Variants in TYK2 observed in about 807,000 individuals in gnomAD.
TYK2 encodes the protein non-receptor tyrosine-protein kinase TYK2.
TYK2 carries 65 observed loss-of-function variants against 130.9 expected under a neutral mutation model. That is an observed-to-expected ratio of 0.50 (90% CI 0.41 to 0.61). TYK2 has a LOEUF of 0.61. Ranked by LOEUF, TYK2 falls within the 20% of genes least tolerant of loss-of-function variation. The probability of loss-of-function intolerance (pLI) is 0.00; values close to 1 mark genes in which losing one functional copy is unlikely to be tolerated. For synonymous variants in TYK2, 647 were observed against 658.9 expected, an observed-to-expected ratio of 0.98 and a Z score of 0.28; for missense variants, 1,378 against 1,610.7, an observed-to-expected ratio of 0.86 and a Z score of 2.47.
chr19:10,358,165 G>A (rs776050479), intron 15 of TYK2, 27 bp from the exon 16 acceptor site: 13 of 1,590,098 alleles, frequency 8.2e-6, no homozygotes, highest in Non-Finnish European at 1.1e-5. Flanking sequence ...AGGGGGTGTG[G>A]CCACTCAGGA....
At chr19:10,358,749 C>G (rs1029794294) in intron 15 of TYK2, among the ~76,000 whole-genome samples, 15 of 151,972 alleles carry the variant, frequency 9.9e-5, no homozygotes, top group Non-Finnish European at 1.9e-4. Context: ...AGCCACCACA[C>G]CTGGCTATTT....
chr19:10,354,746 A>C lies in TYK2; in HGVS notation c.2618-137T>G, dbSNP rs2041000897. 6.9e-6 allele frequency: 5 copies of C among 724,776 alleles called. No homozygotes were observed. The South Asian group carries it at 7.4e-5, about 11-fold the overall frequency. 44.9% of individuals were successfully genotyped at this position (724,776 alleles called of 1,614,324 possible). ...AGAAAACTTTTTCCTGCAACAGCTG[A>C]AAGAGTCCACTTATTGTACAAAATG... On this transcript the variant is annotated intron_variant, in intron 18 of 24. Coordinates refer to ENST00000525621, the MANE Select transcript of TYK2 (RefSeq NM_003331.5).
chr19:10,367,762 T>C (rs569490814), intron 5 of TYK2, among the ~76,000 whole-genome samples: 87 of 147,222 alleles, frequency 5.9e-4, no homozygotes, highest in African/African-American at 2.1e-3. Flanking sequence ...CCACTAAAAA[T>C]ACAAAAAATT....
chr19:10,355,430 A>G (rs1402368758), intron 18 of TYK2, among the ~76,000 whole-genome samples: 1 of 151,870 alleles, frequency 6.6e-6, no homozygotes, highest in Non-Finnish European at 1.5e-5. Flanking sequence ...ACCTGAGGTC[A>G]GGAGTTTGAG....
chr19:10,373,472 G>C (rs2041999067), intron 3 of TYK2, among the ~76,000 whole-genome samples: 1 of 151,794 alleles, frequency 6.6e-6, no homozygotes, highest in Non-Finnish European at 1.5e-5. Context: ...CAAGTAGCTG[G>C]GATGTGCGTC....
chr19:10,358,236 A>G (rs2041206907), intron 15 of TYK2, 98 bp from the exon 16 acceptor site: 2 of 1,198,046 alleles, frequency 1.7e-6, no homozygotes, highest in African/African-American at 3.1e-5. Context: ...GAAAAGGACA[A>G]CTGTGACTAT....
In TYK2 at chr19:10,365,497, G is replaced by T. The variant is rs747045647; in HGVS notation, c.1011+20C>A. ...CCAGCCCAACCTGAACCCCCAGGGC[G>T]GAAGGGGCGCCTTGCTCACCTCCTC... On this transcript the variant is annotated intron_variant, in intron 7 of 24. Coordinates refer to ENST00000525621, the MANE Select transcript of TYK2 (RefSeq NM_003331.5). 2.5e-6 allele frequency: 4 copies of T among 1,613,366 alleles called. No individual in the cohort carries two copies. The South Asian group carries it at 4.4e-5, about 18-fold the overall frequency.
Position 10,358,148 on chromosome 19 carries a change from G to A in TYK2, c.2176-10C>T. On this transcript the variant is annotated splice_polypyrimidine_tract_variant and intron_variant, in intron 15 of 24. Transcript: ENST00000525621. The stretch of plus-strand genomic sequence containing the variant: ...CCAGGTTCTTGTTCTCCTGAGGTGG[G>A]CAGGAGAGGGGGTGTGGCCACTCAG... 1 of 1,601,100 alleles carries A rather than the reference G, an allele frequency of 6.2e-7. No homozygotes were observed.
rs185265835 is a variant in TYK2, at chr19:10,376,041, T to C, written c.193+2173A>G. ...TTTTTTTTTTCTTTGAGATGGAGTT[T>C]CGCTCTTGTTGCCCAGGCTGGAGTA... On this transcript the variant is annotated intron_variant, in intron 3 of 24. Coordinates refer to ENST00000525621, the MANE Select transcript of TYK2 (RefSeq NM_003331.5). Among the ~76,000 whole-genome samples, 1,484 of 150,792 alleles carry C rather than the reference T, an allele frequency of 9.8e-3. 26 individuals are homozygous for C. The highest frequency in any genetic ancestry group is 0.035 in the African/African-American group (1,427 of 41,076).
In TYK2 at chr19:10,368,735, A is replaced by G. The variant is rs528623901; in HGVS notation, c.194-317T>C. 7.4e-5 allele frequency: 28 copies of G among 376,916 alleles called. 1 individual carries two copies. The highest frequency in any genetic ancestry group is 6.2e-4 in the South Asian group (27 of 43,592). The allele number at this position is 376,916 out of a possible 1,614,324, so 23.3% of individuals were successfully genotyped here. On this transcript the variant is annotated intron_variant, in intron 3 of 24. Transcript: ENST00000525621. ...TGCCACCTTCACCACCCGAGGTATG[A>G]TGAAGGCTTCTTGTGACAGATGGTG...
At position 10,371,998 on chromosome 19, in the gene TYK2, T is replaced by G. The variant is rs185143057; in HGVS notation, c.194-3580A>C. Among the ~76,000 whole-genome samples, 1,107 of 144,526 alleles carry G rather than the reference T, an allele frequency of 7.7e-3. 13 individuals are homozygous for G. The highest frequency in any genetic ancestry group is 0.026 in the African/African-American group (1,021 of 39,852). 94.8% of individuals were successfully genotyped at this position (144,526 alleles called of 152,430 possible). On this transcript the variant is annotated intron_variant, in intron 3 of 24. Coordinates refer to ENST00000525621, the MANE Select transcript of TYK2 (RefSeq NM_003331.5). ...CAGGGAAGATGTTTCTGAGTTTTTG[T>G]TTTTTTTTTTGAGACGGAGTCTCGA...
chr19:10,359,375 G>A (rs1408989108), intron 14 of TYK2, 73 bp from the exon 15 acceptor site: 22 of 1,561,886 alleles, frequency 1.4e-5, no homozygotes, highest in Non-Finnish European at 1.6e-5. Flanking sequence ...TGGGGGAGAC[G>A]CCAGGGAGGG....
chr19:10,366,308 G>C, intron 6 of TYK2, 109 bp downstream of exon 6: 1 of 983,310 alleles, frequency 1.0e-6, no homozygotes, highest in Non-Finnish European at 1.4e-6. Context: ...CTCCGGCTCA[G>C]AAAAAAAAAA....
chr19:10,378,825 T>C (rs1301794929), intron 2 of TYK2, among the ~76,000 whole-genome samples: 6 of 141,444 alleles, frequency 4.2e-5, no homozygotes, highest in East Asian at 2.0e-4. Context: ...TACAAGACGT[T>C]TTATTTTATA....
intron 3 of TYK2, among the ~76,000 whole-genome samples, chr19:10,375,819 C>T (rs1183242755): frequency 9.9e-5 from 15 of 150,884 alleles, no homozygotes; most frequent in African/African-American, 3.6e-4. Context: ...CCCAGCTACT[C>T]GGGAGGCTGA....
chr19:10,370,707 AC>A (rs540569303), intron 3 of TYK2, among the ~76,000 whole-genome samples: 149 of 150,328 alleles, frequency 9.9e-4, no homozygotes, highest in Middle Eastern at 3.5e-3. Context: ...AATCGCAGCT[AC>A]TCAGCAGGCT....
At chr19:10,359,668 A>T (rs1329481672) in intron 14 of TYK2, among the ~76,000 whole-genome samples, 2 of 149,944 alleles carry the variant, frequency 1.3e-5, no homozygotes, top group Non-Finnish European at 3.0e-5. Flanking sequence ...CAACATGATG[A>T]AACTCCATCA....
rs373929549 is a variant in TYK2 at position 10,364,966 on chromosome 19, G to C, written c.1094C>G (p.Pro365Arg). 6.2e-7 allele frequency: 1 copy of C among 1,614,088 alleles called. No homozygotes were observed. The highest frequency in any genetic ancestry group is 1.1e-5 in the South Asian group (1 of 91,084). The stretch of plus-strand genomic sequence containing the variant: ...CAGTGGCTCCCGCGGCCTGTCTGCC[G>C]GCTGGCCGACTGCCTTGTGAGCCTT... ...KAKAHKAVGQ[P>R]ADRPREPLWA... The change falls in exon 8 of 25, where the codon CCG becomes CGG. Residue 365 changes from proline to arginine, a missense_variant. Transcript: ENST00000525621. This position sits in a 1 kb window ranked among gnomAD's most constrained non-coding sequence, Gnocchi z 4.9.
At chr19:10,352,579 G>C (rs201603816) in intron 22 of TYK2, 28 bp from the exon 23 acceptor site, 1 of 1,124,890 alleles carries the variant, frequency 8.9e-7, no homozygotes, top group Admixed American at 2.0e-5. Context: ...CTCAGGCCAC[G>C]GGGGGCTGCA....
Sources: gnomAD v4.1 joint callset for allele counts (sites outside exome capture counted in the v4.1 genomes callset) on GRCh38, gnomAD v4.1.1 for gene constraint, Gnocchi (gnomAD v3.1) non-coding constraint, MANE v1.5 for transcripts, NCBI Gene and HGNC (gene_info 2026-07-23, HGNC 2026-07-21) for gene names.